Variants in DPYD observed in about 807,000 individuals in gnomAD.
DPYD encodes the protein dihydropyrimidine dehydrogenase.
In DPYD, 109 loss-of-function variants were observed where a neutral mutation model predicts 116.2. The ratio of observed to expected loss-of-function variants is 0.94; its 90% CI spans 0.80 to 1.10. DPYD has a LOEUF of 1.10. DPYD is among the 50% of genes least tolerant of loss of function. The pLI is 0.00. For synonymous variants in DPYD, 440 were observed against 432.0 expected (o/e 1.02, Z -0.23); for missense variants, 1,302 against 1,254.5 (o/e 1.04, Z -0.57).
chr1:97,121,270 C>T (rs1652408525), intron 20 of DPYD, among the ~76,000 whole-genome samples: 1 of 152,098 alleles, frequency 6.6e-6, no homozygotes, highest in Non-Finnish European at 1.5e-5. Flanking sequence ...ATATCACATT[C>T]TCAGTGGGAA....
At chr1:97,278,725 T>C (rs1259970815) in intron 18 of DPYD, among the ~76,000 whole-genome samples, 1 of 152,222 alleles carries the variant, frequency 6.6e-6, no homozygotes, top group Non-Finnish European at 1.5e-5. Flanking sequence ...TTCTGTTATG[T>C]AGTAATGATG....
chr1:97,672,500 T>C (rs1557874327), intron 8 of DPYD, among the ~76,000 whole-genome samples: 1 of 152,108 alleles, frequency 6.6e-6, no homozygotes, highest in South Asian at 2.1e-4. Flanking sequence ...TTAAACAATA[T>C]TACAAATTAA....
intron 13 of DPYD, among the ~76,000 whole-genome samples, chr1:97,469,959 T>A (rs1014401167): frequency 2.0e-5 from 3 of 152,192 alleles, no homozygotes; most frequent in African/African-American, 7.2e-5. Context: ...GTCATTTTCA[T>A]CGTTCTTGCA....
chr1:97,778,273 T>C (rs747360908), intron 3 of DPYD, among the ~76,000 whole-genome samples: 17 of 151,032 alleles, frequency 1.1e-4, no homozygotes, highest in Non-Finnish European at 2.4e-4. Flanking sequence ...ATTATTTGGT[T>C]ATAATAATAA....
chr1:97,725,055 C>CCTAA (rs1009346376), intron 4 of DPYD, among the ~76,000 whole-genome samples: 7 of 147,572 alleles, frequency 4.7e-5, no homozygotes, highest in Non-Finnish European at 1.0e-4. Flanking sequence ...ATATACAAAC[C>CCTAA]CTAACTAATC....
chr1:97,667,032 C>T (rs1036628339), intron 8 of DPYD, among the ~76,000 whole-genome samples: 8 of 152,148 alleles, frequency 5.3e-5, no homozygotes, highest in Admixed American at 2.0e-4. Context: ...TTTATTGGCA[C>T]ATAGCCATAT....
chr1:97,796,893 T>C (rs1197193341), intron 3 of DPYD: 1 of 152,060 alleles, frequency 6.6e-6, no homozygotes, highest in Non-Finnish European at 1.5e-5. Context: ...TATGCTACCA[T>C]AGAGAAGGAA....
chr1:97,210,866 T>C (rs114863597), intron 19 of DPYD, among the ~76,000 whole-genome samples: 171 of 152,260 alleles, frequency 1.1e-3, no homozygotes, highest in African/African-American at 4.0e-3. Context: ...TCCACAACCA[T>C]TCAATCTCTC....
chr1:97,089,927 G>A (rs995273993), intron 21 of DPYD, among the ~76,000 whole-genome samples: 4 of 150,982 alleles, frequency 2.6e-5, no homozygotes, highest in Non-Finnish European at 5.9e-5. Context: ...TCTAGTCCCT[G>A]GATAACACTG....
At chr1:97,091,821 C>T (rs1217540597) in intron 21 of DPYD, among the ~76,000 whole-genome samples, 3 of 152,170 alleles carry the variant, frequency 2.0e-5, no homozygotes, top group Admixed American at 2.0e-4. Flanking sequence ...TAACTGGTCT[C>T]CTTGTTTCTG....
At chr1:97,823,884 T>C (rs1416080141) in intron 3 of DPYD, among the ~76,000 whole-genome samples, 2 of 149,420 alleles carry the variant, frequency 1.3e-5, no homozygotes, top group Non-Finnish European at 3.0e-5. Flanking sequence ...TTTTTTTTTT[T>C]TTTGTCCAAA....
At chr1:97,377,884 T>C (rs1322854942) in intron 15 of DPYD, among the ~76,000 whole-genome samples, 2 of 152,118 alleles carry the variant, frequency 1.3e-5, no homozygotes, top group African/African-American at 4.8e-5. Flanking sequence ...GTGTGGTATA[T>C]CACGGTCCAA....
intron 5 of DPYD, among the ~76,000 whole-genome samples, chr1:97,718,385 C>A (rs983010128): frequency 6.6e-6 from 1 of 151,316 alleles, no homozygotes; most frequent in Admixed American, 6.6e-5. Flanking sequence ...AGTATAAAAT[C>A]TAAATATAAG....
chr1:97,725,859 G>GT (rs1026555915), intron 4 of DPYD, among the ~76,000 whole-genome samples: 3 of 151,176 alleles, frequency 2.0e-5, no homozygotes, highest in Non-Finnish European at 4.4e-5. Flanking sequence ...AAGTATGGAG[G>GT]TTTTTTTTAG....
intron 16 of DPYD, among the ~76,000 whole-genome samples, chr1:97,324,465 T>C (rs554633700): frequency 6.6e-6 from 1 of 152,190 alleles, no homozygotes; most frequent in Non-Finnish European, 1.5e-5. Flanking sequence ...CACACACTTT[T>C]ACGGCAGGTG....
intron 14 of DPYD, among the ~76,000 whole-genome samples, chr1:97,391,048 CTT>C (rs571016808): frequency 2.3e-4 from 31 of 132,416 alleles, no homozygotes; most frequent in Non-Finnish European, 2.6e-4. Flanking sequence ...TACTTTTCCT[CTT>C]TTTTTTTTTT....
chr1:97,227,108 C>G (rs1035544933), intron 19 of DPYD, among the ~76,000 whole-genome samples: 1 of 151,798 alleles, frequency 6.6e-6, no homozygotes, highest in Admixed American at 6.6e-5. Context: ...GGGTGGATCA[C>G]AAGGTCAGAA....
chr1:97,415,447 C>T (rs1674240170), intron 14 of DPYD, among the ~76,000 whole-genome samples: 1 of 152,128 alleles, frequency 6.6e-6, no homozygotes, highest in South Asian at 2.1e-4. Context: ...CCTGCCTCTG[C>T]CTCCCGAGTA....
At chr1:97,317,826 T>G (rs549879656) in intron 16 of DPYD, among the ~76,000 whole-genome samples, 1 of 152,064 alleles carries the variant, frequency 6.6e-6, no homozygotes, top group African/African-American at 2.4e-5. Flanking sequence ...AAGAAAGAAT[T>G]ACTATTGAGG....
Sources: allele counts gnomAD v4.1 joint callset (sites outside exome capture counted in the v4.1 genomes callset), GRCh38; gene constraint gnomAD v4.1.1; transcripts MANE v1.5; gene names NCBI Gene and HGNC (gene_info 2026-07-23, HGNC 2026-07-21).